Variants in ZFX observed in about 807,000 individuals in gnomAD.
ZFX encodes zinc finger X-chromosomal protein.
For synonymous variants in ZFX, 196 were observed against 226.8 expected, an observed-to-expected ratio of 0.86 and a Z score of 1.22; for missense variants, 362 against 628.3, an observed-to-expected ratio of 0.58 and a Z score of 4.53.
At chrX:24,194,652 T>C (rs1936776027) in intron 5 of ZFX, among the ~76,000 whole-genome samples, 1 of 111,927 alleles carries the variant, frequency 8.9e-6, no homozygotes, top group African/African-American at 3.2e-5. Context: ...ACAAGTGTTT[T>C]AGACTATATT....
intron 5 of ZFX, among the ~76,000 whole-genome samples, chrX:24,189,890 T>C (rs1035971614): frequency 1.8e-5 from 2 of 111,936 alleles, no homozygotes; most frequent in Admixed American, 1.9e-4. Context: ...ATGTATTTTA[T>C]TATTTTTATG....
chrX:24,211,624 C>T lies in ZFX; in HGVS notation c.*248C>T. The T allele has an allele frequency of 2.8e-6, 1 of 358,527 alleles. No individual in the cohort carries two copies. The allele number at this position is 358,527 out of a possible 1,213,427, so 29.5% of individuals were successfully genotyped here. A position where few individuals can be genotyped will look rare whatever the true frequency, so the allele number is the denominator to read the frequency against. On this transcript the variant is annotated 3_prime_UTR_variant, in exon 10 of 10. Coordinates refer to ENST00000304543, the MANE Select transcript of ZFX (RefSeq NM_003410.4). ...CTAGTTACTTTTAATAAAGTAATCC[C>T]TGATTCTATACCGAAGTTTTATATC...
Position 24,208,387 on chromosome X carries a change from C to T in ZFX, c.1093+17C>T. 8.3e-7 allele frequency: 1 copy of T among 1,200,158 alleles called. No homozygotes were observed. The highest frequency in any genetic ancestry group is 1.1e-6 in the Non-Finnish European group (1 of 892,151). On this transcript the variant is annotated intron_variant, in intron 8 of 9. Coordinates refer to ENST00000304543, the MANE Select transcript of ZFX (RefSeq NM_003410.4). Reference sequence around the variant, plus strand: ...CAGCTTATGGTAAGTTGCCCAGCAGCTCTTAGCATTGAAGAAGTTGGTTCT... The same window carrying T: ...CAGCTTATGGTAAGTTGCCCAGCAGTTCTTAGCATTGAAGAAGTTGGTTCT...
At chrX:24,179,039 T>G (rs981821673) in intron 4 of ZFX, 144 bp from the exon 5 acceptor site, 24 of 497,739 alleles carry the variant, frequency 4.8e-5, no homozygotes, top group Non-Finnish European at 7.7e-5. Context: ...AAAAATAGAT[T>G]CCCTCTTTAT....
intron 5 of ZFX, among the ~76,000 whole-genome samples, chrX:24,197,043 C>G (rs754628392): frequency 6.2e-5 from 7 of 112,710 alleles, no homozygotes; most frequent in Non-Finnish European, 1.1e-4. Context: ...TCCTGCGTTG[C>G]ACCAGTCACA....
chrX:24,154,911 CACAT>C (rs1454271113), intron 3 of ZFX, among the ~76,000 whole-genome samples: 2 of 111,487 alleles, frequency 1.8e-5, no homozygotes, highest in Admixed American at 1.9e-4. Context: ...CGAATATTCT[CACAT>C]ACAGGTGGGA....
At chrX:24,165,531 C>A (rs1933922880) in intron 3 of ZFX, among the ~76,000 whole-genome samples, 1 of 112,488 alleles carries the variant, frequency 8.9e-6, no homozygotes, top group Non-Finnish European at 1.9e-5. Context: ...AATTAAATGC[C>A]CAATTTTGGG....
At chrX:24,198,381 T>C (rs1937059755) in intron 5 of ZFX, among the ~76,000 whole-genome samples, 1 of 110,290 alleles carries the variant, frequency 9.1e-6, no homozygotes, top group Non-Finnish European at 1.9e-5. Flanking sequence ...TTAAAAATTT[T>C]TTTAGAGATG....
intron 5 of ZFX, among the ~76,000 whole-genome samples, chrX:24,202,679 G>T (rs1937377997): frequency 9.0e-6 from 1 of 111,712 alleles, no homozygotes; most frequent in South Asian, 3.7e-4. Flanking sequence ...CCAGGACTCT[G>T]TCCTCACACT....
intron 5 of ZFX, among the ~76,000 whole-genome samples, chrX:24,194,547 C>T (rs576481630): frequency 1.8e-5 from 2 of 110,963 alleles, no homozygotes; most frequent in East Asian, 2.8e-4. Flanking sequence ...ACACCCATGA[C>T]CCTGATCTAG....
chrX:24,161,260 A>AT (rs1933272981), intron 3 of ZFX, among the ~76,000 whole-genome samples: 1 of 112,350 alleles, frequency 8.9e-6, no homozygotes, highest in Non-Finnish European at 1.9e-5. Context: ...TGTTCATTGG[A>AT]TTGGAAGTGT....
intron 5 of ZFX, among the ~76,000 whole-genome samples, chrX:24,185,685 A>G (rs1936049301): frequency 8.9e-6 from 1 of 112,562 alleles, no homozygotes; most frequent in South Asian, 3.6e-4. Context: ...TCTGGCCTCA[A>G]GCGACCTGCT....
In ZFX at chrX:24,179,454, T is replaced by C. The variant is rs1027901167; in HGVS notation, c.330T>C (p.His110=). ...SDVTEEVSLA[H]CTVPDDVLAS... is the part of the protein sequence containing the mutation. ...TAACTGAAGAAGTTTCTTTAGCACA[T>C]TGCACAGTCCCAGATGATGTTTTAG... The change falls in exon 5 of 10, where the codon CAT becomes CAC. Residue 110 remains histidine, a synonymous_variant. Coordinates refer to ENST00000304543, the MANE Select transcript of ZFX (RefSeq NM_003410.4). The C allele has an allele frequency of 1.6e-6, 2 of 1,212,362 alleles. No individual in the cohort carries two copies. The highest frequency in any genetic ancestry group is 2.2e-6 in the Non-Finnish European group (2 of 895,672).
In ZFX at chrX:24,215,415, G is replaced by A. The variant is rs1938400213; in HGVS notation, c.*4039G>A. The A allele has an allele frequency of 9.0e-6, 1 of 111,662 alleles. No homozygotes were observed. The highest frequency in any genetic ancestry group is 3.3e-5 in the African/African-American group (1 of 30,706). The allele number at this position is 111,662 out of a possible 1,213,427, so 9.2% of individuals were successfully genotyped here. A position where few individuals can be genotyped will look rare whatever the true frequency, so the allele number is the denominator to read the frequency against. ...CAGCATCTTAATCTCCTGGGACTTT[G>A]TTAAAAATGCAAATTCTCAGCCCCA... On this transcript the variant is annotated 3_prime_UTR_variant, in exon 10 of 10. Transcript: ENST00000304543.
Position 24,200,652 on chromosome X carries a change from A to C in ZFX, c.647-6674A>C, listed in dbSNP as rs1173500731. ...TTGTAGTATGCGTGGAGAAATGTCT[A>C]ATGATCTGTAAATTCTGTTGATAGT... On this transcript the variant is annotated intron_variant, in intron 5 of 9. Transcript: ENST00000304543. 1.4e-4 allele frequency among the ~76,000 whole-genome samples: 16 copies of C among 112,347 alleles called. No homozygotes were observed. In the Admixed American group the frequency reaches 1.5e-3, roughly 11 times the overall value.
In ZFX at chrX:24,213,758, G is replaced by C. The variant is rs1394988798; in HGVS notation, c.*2382G>C. 1.0e-5 allele frequency: 1 copy of C among 97,964 alleles called. No homozygotes were observed. The highest frequency in any genetic ancestry group is 3.1e-4 in the East Asian group (1 of 3,237). 8.1% of individuals were successfully genotyped at this position (97,964 alleles called of 1,213,427 possible). A position where few individuals can be genotyped will look rare whatever the true frequency, so the allele number is the denominator to read the frequency against. ...TTGCCCTGCGATTCTTGAAAGCTCTGTCTGTTTTTTTGTGAGAACCTTTAA... is the reference window on the plus strand; with the variant it reads ...TTGCCCTGCGATTCTTGAAAGCTCTCTCTGTTTTTTTGTGAGAACCTTTAA... On this transcript the variant is annotated 3_prime_UTR_variant, in exon 10 of 10. Transcript: ENST00000304543.
chrX:24,178,814 A>G (rs1196371163), intron 4 of ZFX, among the ~76,000 whole-genome samples: 1 of 111,401 alleles, frequency 9.0e-6, no homozygotes, highest in Middle Eastern at 4.2e-3. Flanking sequence ...TCTTGGCTTC[A>G]AGTGATCTGC....
At chrX:24,199,904 C>T (rs1263822267) in intron 5 of ZFX, among the ~76,000 whole-genome samples, 1 of 104,397 alleles carries the variant, frequency 9.6e-6, no homozygotes, top group Middle Eastern at 4.4e-3. Context: ...GCAACAAGAG[C>T]GAAACTCCGT....
intron 5 of ZFX, among the ~76,000 whole-genome samples, chrX:24,205,091 A>G (rs1937522547): frequency 1.8e-5 from 2 of 112,256 alleles, no homozygotes. Context: ...CTAGCAGAGG[A>G]ACACCAGAAA....
Sources: allele counts gnomAD v4.1 joint callset (sites outside exome capture counted in the v4.1 genomes callset), GRCh38; gene constraint gnomAD v4.1.1; transcripts MANE v1.5; gene names NCBI Gene and HGNC (gene_info 2026-07-23, HGNC 2026-07-21).